RANBP2: variants seen among roughly 807,000 people sequenced by gnomAD.
The protein encoded by RANBP2 is E3 SUMO-protein ligase RanBP2.
In RANBP2, 57 loss-of-function variants were observed where a neutral mutation model predicts 303.6. That is an observed-to-expected ratio of 0.19 (90% CI 0.15 to 0.23). The LOEUF is 0.23. Ranked by LOEUF, RANBP2 falls within the 10% of genes least tolerant of loss-of-function variation. The pLI, the probability that RANBP2 is intolerant of heterozygous loss-of-function variation, is 1.00. For missense variants in RANBP2, 3,138 were observed against 3,780.8 expected (o/e 0.83, Z 4.46); for synonymous variants, 1,167 against 1,301.5 (o/e 0.90, Z 2.23).
At chr2:109,570,665 G>T in the RANBP2 span, among the ~76,000 whole-genome samples, 14 of 151,556 alleles carry the variant, frequency 9.2e-5, no homozygotes, top group African/African-American at 3.1e-4. Context: ...GGGATTACAG[G>T]TGCCTGCCAC....
the RANBP2 span, among the ~76,000 whole-genome samples, chr2:109,211,455 C>T: frequency 1.8e-4 from 27 of 152,108 alleles, no homozygotes; most frequent in African/African-American, 5.6e-4. Context: ...GAGTAGGGGC[C>T]GTGTCTGAGA....
the RANBP2 span, among the ~76,000 whole-genome samples, chr2:109,710,688 G>C: frequency 6.6e-6 from 1 of 152,198 alleles, no homozygotes; most frequent in Non-Finnish European, 1.5e-5. Flanking sequence ...CATCTGGTGA[G>C]TTCTACCTTC....
At chr2:109,536,426 A>G in the RANBP2 span, among the ~76,000 whole-genome samples, 6 of 152,204 alleles carry the variant, frequency 3.9e-5, no homozygotes, top group African/African-American at 7.2e-5. Context: ...TCAGACTTGC[A>G]TGGAGGCCTG....
the RANBP2 span, among the ~76,000 whole-genome samples, chr2:108,972,185 T>C: frequency 6.6e-6 from 1 of 152,254 alleles, no homozygotes; most frequent in African/African-American, 2.4e-5. Flanking sequence ...CAGTTACATT[T>C]GGGAGTCATT....
At chr2:108,747,306 C>T (rs972962062) in intron 8 of RANBP2, among the ~76,000 whole-genome samples, 16 of 152,138 alleles carry the variant, frequency 1.1e-4, no homozygotes, top group African/African-American at 3.9e-4. Flanking sequence ...TGCGTATTAC[C>T]TGTGATTTTG....
the RANBP2 span, among the ~76,000 whole-genome samples, chr2:109,683,114 T>A: frequency 5.3e-5 from 8 of 152,292 alleles, no homozygotes; most frequent in Admixed American, 5.2e-4. Flanking sequence ...CAAGAAATTC[T>A]CCTGCCTCAC....
At chr2:109,494,608 G>A in the RANBP2 span, among the ~76,000 whole-genome samples, 70 of 152,318 alleles carry the variant, frequency 4.6e-4, 1 homozygote, top group East Asian at 9.7e-3. Flanking sequence ...AGAGGTGAGA[G>A]TCCCTGCAGT....
chr2:109,520,598 C>CAAA, the RANBP2 span, among the ~76,000 whole-genome samples: 3 of 50,096 alleles, frequency 6.0e-5, no homozygotes, highest in Non-Finnish European at 8.0e-5. Flanking sequence ...GACTCCATCT[C>CAAA]AAAAAAAAAA....
the RANBP2 span, among the ~76,000 whole-genome samples, chr2:108,856,099 T>C: frequency 1.3e-5 from 2 of 152,190 alleles, no homozygotes; most frequent in Non-Finnish European, 2.9e-5. Flanking sequence ...ACTACTTCAT[T>C]TGCAATGATT....
chr2:108,765,958 T>C lies in RANBP2; in HGVS notation c.5419T>C (p.Ser1807Pro). 1 of 1,614,170 alleles carries C rather than the reference T, an allele frequency of 6.2e-7. No homozygotes were observed. Among genetic ancestry groups the C allele is most frequent in the African/African-American group, 1.3e-5 (1 of 75,068 alleles). ...SSLKCVACDA[S>P]KPTHKPIAEA... ...CTTAAAATGTGTGGCTTGTGATGCCTCTAAACCAACTCATAAACCTATTGC... is the reference window on the plus strand; with the variant it reads ...CTTAAAATGTGTGGCTTGTGATGCCCCTAAACCAACTCATAAACCTATTGC... The change falls in exon 20 of 29, where the codon TCT (serine) becomes CCT (proline). Residue 1807 changes from serine (S) to proline (P), a missense_variant. Physicochemically the swap from Ser to Pro is moderately conservative, Grantham distance 74. This residue lies in a region of RANBP2 where 348 missense variants were observed against 360.4 expected (regional missense o/e 0.97). Coordinates refer to ENST00000283195, the MANE Select transcript of RANBP2 (RefSeq NM_006267.5).
At position 108,771,794 on chromosome 2, in the gene RANBP2, C is replaced by T. The variant is rs1306346763; in HGVS notation, c.7943C>T (p.Ala2648Val). 30 of 1,613,926 alleles carry T rather than the reference C, an allele frequency of 1.9e-5. No homozygotes were observed. The highest frequency in any genetic ancestry group is 2.4e-5 in the Non-Finnish European group (28 of 1,179,964). ...CCAACCGCTGAGCAGAAAGCCCTTG[C>T]AACCAAACTTAAACTTCCTCCAACT... ...LTPTAEQKAL[A>V]TKLKLPPTFF... Residue 2648 changes from alanine (A) to valine (V), a missense_variant, in exon 21 of 29, where the codon GCA becomes GTA. Ala to Val is a moderately conservative substitution (Grantham distance 64). Coordinates refer to ENST00000283195, the MANE Select transcript of RANBP2 (RefSeq NM_006267.5).
chr2:109,196,748 G>A, the RANBP2 span, among the ~76,000 whole-genome samples: 2 of 152,278 alleles, frequency 1.3e-5, no homozygotes, highest in African/African-American at 4.8e-5. Context: ...CACATGCCCC[G>A]TGGCCTTCTG....
chr2:108,774,163 C>A (rs1677709171), intron 23 of RANBP2, among the ~76,000 whole-genome samples: 2 of 152,166 alleles, frequency 1.3e-5, no homozygotes, highest in South Asian at 2.1e-4. Context: ...ACTTTGCATT[C>A]CAGCGTAAAC....
chr2:109,213,474 G>T, the RANBP2 span, among the ~76,000 whole-genome samples: 1 of 152,208 alleles, frequency 6.6e-6, no homozygotes, highest in Non-Finnish European at 1.5e-5. Context: ...CACTGGTGAG[G>T]ACGTGGCCCC....
chr2:109,412,321 T>TCCAAGTG, the RANBP2 span, among the ~76,000 whole-genome samples: 1 of 152,146 alleles, frequency 6.6e-6, no homozygotes, highest in African/African-American at 2.4e-5. Context: ...GAGGTGGAGA[T>TCCAAGTG]CCAAGTGCCG....
the RANBP2 span, among the ~76,000 whole-genome samples, chr2:109,142,497 G>A: frequency 6.6e-6 from 1 of 152,184 alleles, no homozygotes; most frequent in African/African-American, 2.4e-5. Flanking sequence ...CAGGCACAGC[G>A]GCCGAGAGTG....
At chr2:108,888,020 T>C in the RANBP2 span, among the ~76,000 whole-genome samples, 2 of 152,194 alleles carry the variant, frequency 1.3e-5, no homozygotes, top group East Asian at 1.9e-4. Context: ...TAGCCTTTCT[T>C]ATTTTGAGGT....
chr2:109,611,281 G>C, the RANBP2 span, among the ~76,000 whole-genome samples: 6 of 152,154 alleles, frequency 3.9e-5, no homozygotes, highest in African/African-American at 1.4e-4. Flanking sequence ...TAGGCAAAGA[G>C]TTCTTAAACT....
the RANBP2 span, among the ~76,000 whole-genome samples, chr2:108,850,773 A>C: frequency 6.6e-6 from 1 of 152,124 alleles, no homozygotes; most frequent in Non-Finnish European, 1.5e-5. Context: ...TTGACACCAC[A>C]GTGCTGTCTA....
Sources: allele counts gnomAD v4.1 joint callset (sites outside exome capture counted in the v4.1 genomes callset), GRCh38; gene constraint gnomAD v4.1.1; regional missense constraint gnomAD v4.1.1; transcripts MANE v1.5; gene names NCBI Gene and HGNC (gene_info 2026-07-23, HGNC 2026-07-21).